The following BFAR variants were observed in gnomAD, a reference collection of about 807,000 sequenced individuals.
The protein encoded by BFAR is RING finger protein 47.
A neutral mutation model predicts 54.4 loss-of-function variants in BFAR; 52 were observed. The ratio of observed to expected loss-of-function variants is 0.96; its 90% CI spans 0.77 to 1.21. BFAR has a LOEUF of 1.21. Among genes scored for constraint, BFAR ranks in the 50% most tolerant of loss-of-function variants. The probability of loss-of-function intolerance (pLI) is 0.00; values close to 1 mark genes in which losing one functional copy is unlikely to be tolerated. For synonymous variants in BFAR, 215 were observed against 204.3 expected, an observed-to-expected ratio of 1.05 and a Z score of -0.45; for missense variants, 571 against 534.0, an observed-to-expected ratio of 1.07 and a Z score of -0.68.
intron 6 of BFAR, among the ~76,000 whole-genome samples, chr16:14,662,515 TTTTA>T (rs1960319048): frequency 6.6e-6 from 1 of 152,122 alleles, no homozygotes; most frequent in South Asian, 2.1e-4. Flanking sequence ...TGACCTTTAA[TTTTA>T]TTTATTGATT....
At chr16:14,662,832 C>A (rs540462089) in intron 6 of BFAR, among the ~76,000 whole-genome samples, 1 of 152,096 alleles carries the variant, frequency 6.6e-6, no homozygotes, top group Admixed American at 6.6e-5. Flanking sequence ...TTTATTTGTC[C>A]GGGAGCGTCG....
chr16:14,638,629 C>G (rs1959527094), intron 1 of BFAR, among the ~76,000 whole-genome samples: 1 of 152,212 alleles, frequency 6.6e-6, no homozygotes, highest in East Asian at 1.9e-4. Context: ...CATTACATCA[C>G]AAGATCTTTA....
chr16:14,655,486 C>CTT (rs1194596499), intron 5 of BFAR, among the ~76,000 whole-genome samples: 8 of 139,790 alleles, frequency 5.7e-5, no homozygotes, highest in Non-Finnish European at 7.8e-5. Context: ...TTTTTTCTTT[C>CTT]TTTTTTTTTT....
Position 14,665,315 on chromosome 16 carries a change from C to T in BFAR, c.1160+244C>T, listed in dbSNP as rs932163465. Reference sequence around the variant, plus strand: ...TGTCTTATCTCTATGCAATAATATACCATTTAATTTCAGGGGGAGGGGGGC... The same window carrying T: ...TGTCTTATCTCTATGCAATAATATATCATTTAATTTCAGGGGGAGGGGGGC... On this transcript the variant is annotated intron_variant, in intron 7 of 7. Coordinates refer to ENST00000261658, the MANE Select transcript of BFAR (RefSeq NM_016561.3). The T allele has an allele frequency of 1.8e-5, 8 of 456,354 alleles. No individual in the cohort carries two copies. In the East Asian group the frequency reaches 2.6e-4, roughly 15 times the overall value. 28.3% of individuals were successfully genotyped at this position (456,354 alleles called of 1,614,324 possible). A position where few individuals can be genotyped will look rare whatever the true frequency, so the allele number is the denominator to read the frequency against.
At chr16:14,637,387 G>A (rs548334399) in intron 1 of BFAR, among the ~76,000 whole-genome samples, 20 of 151,070 alleles carry the variant, frequency 1.3e-4, no homozygotes, top group South Asian at 8.3e-4. Context: ...TGGTGTTTCC[G>A]CCTGGTTTCC....
At chr16:14,647,742 T>C (rs1959843813) in intron 2 of BFAR, among the ~76,000 whole-genome samples, 1 of 152,002 alleles carries the variant, frequency 6.6e-6, no homozygotes, top group South Asian at 2.1e-4. Flanking sequence ...TGATGTGCTC[T>C]CTGCATGGTT....
chr16:14,658,350 C>A (rs1236168441), intron 5 of BFAR, among the ~76,000 whole-genome samples: 1 of 152,108 alleles, frequency 6.6e-6, no homozygotes. Context: ...TTGGCTGGTG[C>A]TATCTTGTCT....
intron 6 of BFAR, among the ~76,000 whole-genome samples, chr16:14,662,817 AG>A (rs1274535903): frequency 6.6e-6 from 1 of 152,128 alleles, no homozygotes; most frequent in Non-Finnish European, 1.5e-5. Context: ...TAAAGAAGGA[AG>A]GGATTTATTT....
chr16:14,642,586 C>T (rs1456613362), intron 1 of BFAR, among the ~76,000 whole-genome samples: 1 of 152,066 alleles, frequency 6.6e-6, no homozygotes, highest in Non-Finnish European at 1.5e-5. Context: ...CTGGCTGGAT[C>T]CAGAGGGCAT....
At chr16:14,638,694 C>G (rs948126700) in intron 1 of BFAR, among the ~76,000 whole-genome samples, 1 of 152,238 alleles carries the variant, frequency 6.6e-6, no homozygotes, top group East Asian at 1.9e-4. Flanking sequence ...GCCTGTAATC[C>G]CAACACTTTG....
chr16:14,640,763 C>T (rs1401243684), intron 1 of BFAR, among the ~76,000 whole-genome samples: 2 of 152,196 alleles, frequency 1.3e-5, no homozygotes, highest in Non-Finnish European at 2.9e-5. Context: ...CCTCTTATCC[C>T]AGTAGATCAG....
At chr16:14,667,080 G>A (rs529818842) in intron 7 of BFAR, among the ~76,000 whole-genome samples, 9 of 152,196 alleles carry the variant, frequency 5.9e-5, no homozygotes, top group South Asian at 2.1e-4. Context: ...GTGCACACCT[G>A]TAGTCCCAGC....
intron 5 of BFAR, among the ~76,000 whole-genome samples, chr16:14,659,076 T>A (rs1317286446): frequency 1.3e-5 from 2 of 149,666 alleles, no homozygotes; most frequent in Non-Finnish European, 3.0e-5. Context: ...CCAAGCTAAT[T>A]TTTTGTATTT....
Position 14,669,234 on chromosome 16 carries a change from C to G in BFAR, c.*1407C>G, listed in dbSNP as rs1259806811. ...ATAAAGATTTCTATATAGATAAAAC[C>G]TATATGTAGAGAAAAAGCAATTGTC... On this transcript the variant is annotated 3_prime_UTR_variant, in exon 8 of 8. Coordinates refer to ENST00000261658, the MANE Select transcript of BFAR (RefSeq NM_016561.3). 4 of 248,888 alleles carry G rather than the reference C, an allele frequency of 1.6e-5. No homozygotes were observed. In the East Asian group the frequency reaches 4.0e-4, roughly 25 times the overall value. 15.4% of individuals were successfully genotyped at this position (248,888 alleles called of 1,614,324 possible).
chr16:14,637,147 C>T lies in BFAR; in HGVS notation c.-74+4129C>T, dbSNP rs547697330. Among the ~76,000 whole-genome samples the T allele has an allele frequency of 2.8e-5, 4 of 142,730 alleles. No homozygotes were observed. In the East Asian group the frequency reaches 8.6e-4, roughly 31 times the overall value. 93.6% of individuals were successfully genotyped at this position (142,730 alleles called of 152,430 possible). A position where few individuals can be genotyped will look rare whatever the true frequency, so the allele number is the denominator to read the frequency against. On this transcript the variant is annotated intron_variant, in intron 1 of 7. Transcript: ENST00000261658. ...ACCCCTATTTCTATTGTAAATGTCTCTGCATAGTCACCCTAACAGCTACCA... is the reference window on the plus strand; with the variant it reads ...ACCCCTATTTCTATTGTAAATGTCTTTGCATAGTCACCCTAACAGCTACCA...
chr16:14,638,917 C>G (rs996141238), intron 1 of BFAR, among the ~76,000 whole-genome samples: 4 of 151,034 alleles, frequency 2.6e-5, no homozygotes, highest in African/African-American at 9.8e-5. Flanking sequence ...TGCACTGTAG[C>G]TTGGGCAACA....
intron 1 of BFAR, among the ~76,000 whole-genome samples, chr16:14,640,798 A>G (rs1257006163): frequency 6.6e-6 from 1 of 152,200 alleles, no homozygotes; most frequent in Non-Finnish European, 1.5e-5. Context: ...CGCCTCTGGG[A>G]GTTGGCCCCT....
chr16:14,655,322 A>G, intron 5 of BFAR, 112 bp downstream of exon 5: 4 of 875,418 alleles, frequency 4.6e-6, no homozygotes, highest in Non-Finnish European at 5.9e-6. Flanking sequence ...GTACTTATTT[A>G]TTTATTTATT....
rs375012268 is a variant in BFAR at position 14,661,978 on chromosome 16, C to G, written c.870C>G (p.Asp290Glu). The change falls in exon 6 of 8, where the codon GAC becomes GAG. Residue 290 changes from aspartate (D) to glutamate (E), a missense_variant. Transcript: ENST00000261658. ...RLSLLYLYLF[D>E]YTDTFLPFIH... is the part of the protein sequence containing the mutation. ...GTCTGCTCTACCTGTACCTGTTTGA[C>G]TACACCGACACCTTCCTACCTTTCA... 50 of 1,614,086 alleles carry G rather than the reference C, an allele frequency of 3.1e-5. No individual in the cohort carries two copies. Among genetic ancestry groups the G allele is most frequent in the Non-Finnish European group, 4.0e-5 (47 of 1,180,048 alleles).
Sources: gnomAD v4.1 joint callset for allele counts (sites outside exome capture counted in the v4.1 genomes callset) on GRCh38, gnomAD v4.1.1 for gene constraint, MANE v1.5 for transcripts, NCBI Gene and HGNC (gene_info 2026-07-23, HGNC 2026-07-21) for gene names.